MYPN: variants seen among roughly 807,000 people sequenced by gnomAD.
The protein encoded by MYPN is sarcomeric protein myopalladin, 145 kDa (MYOP).
In MYPN, 63 loss-of-function variants were observed where a neutral mutation model predicts 129.4. That is an observed-to-expected ratio of 0.49 (90% CI 0.40 to 0.60). The LOEUF is 0.60. Among genes scored for constraint, MYPN ranks in the 20% least tolerant of loss-of-function variants. The pLI, the probability that MYPN is intolerant of heterozygous loss-of-function variation, is 0.00. For synonymous variants in MYPN, 629 were observed against 600.9 expected (o/e 1.05, Z -0.68); for missense variants, 1,596 against 1,635.4 (o/e 0.98, Z 0.42).
At chr10:68,209,675 T>TC (rs1355821400) in intron 19 of MYPN, among the ~76,000 whole-genome samples, 4 of 105,558 alleles carry the variant, frequency 3.8e-5, no homozygotes, top group Middle Eastern at 4.3e-3. Flanking sequence ...TCTTTTCTTT[T>TC]TTTTTTTTTT....
chr10:68,211,704 T>C lies in MYPN; in HGVS notation c.*1249T>C. On this transcript the variant is annotated 3_prime_UTR_variant, in exon 20 of 20. Coordinates refer to ENST00000358913, the MANE Select transcript of MYPN (RefSeq NM_032578.4). ...AATAAATATTTGCTGGTTGAATGAA[T>C]CTTCTGTTATTATGTCTATTATAAG... The C allele has an allele frequency of 2.2e-6, 1 of 454,112 alleles. No individual in the cohort carries two copies. Among genetic ancestry groups the C allele is most frequent in the Non-Finnish European group, 4.4e-6 (1 of 226,790 alleles). 28.1% of individuals were successfully genotyped at this position (454,112 alleles called of 1,614,324 possible).
chr10:68,139,084 T>A (rs1224554285), intron 2 of MYPN, among the ~76,000 whole-genome samples: 5 of 152,186 alleles, frequency 3.3e-5, no homozygotes, highest in Non-Finnish European at 7.3e-5. Flanking sequence ...CCCTTCTTCC[T>A]CCTGCTCCAA....
At chr10:68,200,757 CA>C (rs992918472) in intron 17 of MYPN, among the ~76,000 whole-genome samples, 85 of 143,090 alleles carry the variant, frequency 5.9e-4, no homozygotes, top group Middle Eastern at 3.5e-3. Flanking sequence ...GACTCCATCT[CA>C]AAAAAAAAAA....
intron 5 of MYPN, 102 bp from the exon 6 acceptor site, chr10:68,149,938 T>C (rs1395993903): frequency 9.4e-7 from 1 of 1,060,866 alleles, no homozygotes; most frequent in Non-Finnish European, 1.5e-6. Context: ...TTTTTTGGTT[T>C]GGGATGCATT....
rs1214537721 is a variant in MYPN, at chr10:68,199,487, A to T, written c.3405A>T (p.Pro1135=). 6.2e-7 allele frequency: 1 copy of T among 1,613,886 alleles called. No individual in the cohort carries two copies. The highest frequency in any genetic ancestry group is 8.5e-7 in the Non-Finnish European group (1 of 1,179,982). ...ETGVHSLLID[P]LTQRDAGTYK... is the part of the protein sequence containing the mutation. ...GAGTCCACTCTCTGCTCATTGACCCACTCACTCAGCGCGACGCAGGGACCT... is the reference window on the plus strand; with the variant it reads ...GAGTCCACTCTCTGCTCATTGACCCTCTCACTCAGCGCGACGCAGGGACCT... The change falls in exon 17 of 20, where the codon CCA becomes CCT. Residue 1135 remains proline (P), a synonymous_variant. Transcript: ENST00000358913.
chr10:68,164,269 G>A (rs925713743), intron 8 of MYPN, among the ~76,000 whole-genome samples: 2 of 152,234 alleles, frequency 1.3e-5, no homozygotes, highest in African/African-American at 2.4e-5. Context: ...AGGCAGAAGG[G>A]CAAGAGAGCA....
At chr10:68,167,591 T>C (rs1173342892) in intron 10 of MYPN, among the ~76,000 whole-genome samples, 2 of 151,712 alleles carry the variant, frequency 1.3e-5, no homozygotes, top group Non-Finnish European at 2.9e-5. Flanking sequence ...GATAAAAAAA[T>C]TGTTTCTAAT....
chr10:68,092,963 C>T (rs2041937721), intron 1 of MYPN, among the ~76,000 whole-genome samples: 1 of 152,180 alleles, frequency 6.6e-6, no homozygotes, highest in Admixed American at 6.5e-5. Context: ...GTGAGCAAGA[C>T]CCCTGGAGGG....
chr10:68,195,589 C>G, intron 15 of MYPN, 57 bp downstream of exon 15: 3 of 1,347,482 alleles, frequency 2.2e-6, no homozygotes, highest in African/African-American at 2.9e-5. Context: ...TGCCCACTAT[C>G]GTGAGCACCA....
intron 2 of MYPN, among the ~76,000 whole-genome samples, chr10:68,125,220 T>C (rs907893243): frequency 2.0e-5 from 3 of 152,142 alleles, no homozygotes; most frequent in Non-Finnish European, 2.9e-5. Flanking sequence ...CAACTAAAAA[T>C]TTGCAAATCT....
At chr10:68,197,569 T>TC (rs2043631474) in intron 16 of MYPN, 91 bp downstream of exon 16, 1 of 1,562,276 alleles carries the variant, frequency 6.4e-7, no homozygotes, top group Admixed American at 1.8e-5. Context: ...TTGTGGGTTT[T>TC]TTTTTTCAGG....
At chr10:68,123,511 C>A (rs1394164585) in intron 2 of MYPN, among the ~76,000 whole-genome samples, 1 of 140,600 alleles carries the variant, frequency 7.1e-6, no homozygotes, top group African/African-American at 2.8e-5. Context: ...CCGGTCTCTA[C>A]TAAAAATACA....
intron 2 of MYPN, among the ~76,000 whole-genome samples, chr10:68,127,503 T>G (rs2042345065): frequency 6.6e-6 from 1 of 151,338 alleles, no homozygotes; most frequent in African/African-American, 2.4e-5. Context: ...CCCAGCTAAT[T>G]TTTGTATTTT....
At chr10:68,098,149 A>T (rs1589511266) in intron 1 of MYPN, among the ~76,000 whole-genome samples, 1 of 151,850 alleles carries the variant, frequency 6.6e-6, no homozygotes, top group South Asian at 2.1e-4. Context: ...GGGAGGCTGA[A>T]GTGGGAGAAT....
At chr10:68,175,240 C>A in intron 11 of MYPN, 83 bp from the exon 12 acceptor site, 1 of 1,473,650 alleles carries the variant, frequency 6.8e-7, no homozygotes, top group African/African-American at 1.4e-5. Flanking sequence ...TTCTGGTTGT[C>A]ATTTCAACCA....
chr10:68,197,519 A>G (rs1208616277), intron 16 of MYPN, 41 bp downstream of exon 16: 1 of 1,606,566 alleles, frequency 6.2e-7, no homozygotes, highest in Non-Finnish European at 8.5e-7. Flanking sequence ...ATCTGTTCAT[A>G]TTTTGTATTT....
At chr10:68,119,276 TTTAA>T (rs1450820755) in intron 1 of MYPN, among the ~76,000 whole-genome samples, 3 of 152,170 alleles carry the variant, frequency 2.0e-5, no homozygotes, top group Non-Finnish European at 2.9e-5. Flanking sequence ...TGAGTAATAA[TTTAA>T]TTAACTAATT....
intron 12 of MYPN, among the ~76,000 whole-genome samples, chr10:68,178,604 T>C (rs2043264561): frequency 6.6e-6 from 1 of 151,068 alleles, no homozygotes; most frequent in African/African-American, 2.4e-5. Flanking sequence ...TCCCAACTAC[T>C]CGGGAGGCTG....
At chr10:68,151,729 T>C (rs1389336803) in intron 6 of MYPN, among the ~76,000 whole-genome samples, 1 of 152,186 alleles carries the variant, frequency 6.6e-6, no homozygotes, top group Non-Finnish European at 1.5e-5. Context: ...CTCTCTTCCC[T>C]TCCTCAACTC....
Sources: allele counts gnomAD v4.1 joint callset (sites outside exome capture counted in the v4.1 genomes callset), GRCh38; gene constraint gnomAD v4.1.1; transcripts MANE v1.5; gene names NCBI Gene and HGNC (gene_info 2026-07-23, HGNC 2026-07-21).